The following NXPH1 variants were observed in gnomAD, a reference collection of about 807,000 sequenced individuals.
NXPH1 encodes the protein neurexophilin 1.
A neutral mutation model predicts 23.7 loss-of-function variants in NXPH1; 5 were observed. The ratio of observed to expected loss-of-function variants is 0.21; its 90% CI spans 0.11 to 0.44. NXPH1 has a LOEUF of 0.44. NXPH1 is among the 20% of genes least tolerant of loss of function. NXPH1 has a pLI of 0.99. For missense variants in NXPH1, 324 were observed against 321.6 expected (o/e 1.01, Z -0.06); for synonymous variants, 144 against 122.2 (o/e 1.18, Z -1.18).
Position 8,720,786 on chromosome 7 carries a change from C to G in NXPH1, c.55-30222C>G, listed in dbSNP as rs138514034. The stretch of plus-strand genomic sequence containing the variant: ...AAACATTGCTTCCTATATGCTCAAA[C>G]CAAGGAATTCCGTTTCTCTAATATC... On this transcript the variant is annotated intron_variant, in intron 2 of 2. Coordinates refer to ENST00000405863, the MANE Select transcript of NXPH1 (RefSeq NM_152745.3). 8.7e-4 allele frequency among the ~76,000 whole-genome samples: 132 copies of G among 152,300 alleles called. 1 individual carries two copies. Among genetic ancestry groups the G allele is most frequent in the African/African-American group, 3.1e-3 (128 of 41,554 alleles).
intron 2 of NXPH1, among the ~76,000 whole-genome samples, chr7:8,575,344 C>T (rs908088803): frequency 1.3e-5 from 2 of 152,104 alleles, no homozygotes; most frequent in Non-Finnish European, 2.9e-5. Flanking sequence ...GCTGACAGGT[C>T]ATTAATCCTT....
intron 2 of NXPH1, among the ~76,000 whole-genome samples, chr7:8,658,007 A>G (rs1184198412): frequency 1.3e-5 from 2 of 152,214 alleles, no homozygotes; most frequent in African/African-American, 2.4e-5. Context: ...CAGCCTGGGC[A>G]ACAGAGCAAG....
At chr7:8,516,476 A>C (rs987390466) in intron 2 of NXPH1, among the ~76,000 whole-genome samples, 3 of 152,150 alleles carry the variant, frequency 2.0e-5, no homozygotes, top group Admixed American at 6.5e-5. Flanking sequence ...GCTGATTAGG[A>C]ATTAAATTGT....
chr7:8,612,865 A>G (rs1007766873), intron 2 of NXPH1, among the ~76,000 whole-genome samples: 2 of 152,056 alleles, frequency 1.3e-5, no homozygotes, highest in African/African-American at 2.4e-5. Flanking sequence ...GAAAAAATGC[A>G]GCTTCATTTC....
chr7:8,714,241 G>A (rs1779842806), intron 2 of NXPH1, among the ~76,000 whole-genome samples: 1 of 151,980 alleles, frequency 6.6e-6, no homozygotes, highest in African/African-American at 2.4e-5. Flanking sequence ...GGAGAGTATT[G>A]CCAGGCTACC....
intron 2 of NXPH1, among the ~76,000 whole-genome samples, chr7:8,646,676 C>T (rs1264219656): frequency 6.6e-6 from 1 of 151,874 alleles, no homozygotes; most frequent in Non-Finnish European, 1.5e-5. Context: ...TATGTTTTTC[C>T]TATTCTATCA....
At chr7:8,643,492 G>C (rs74315635) in intron 2 of NXPH1, among the ~76,000 whole-genome samples, 4 of 152,008 alleles carry the variant, frequency 2.6e-5, no homozygotes, top group African/African-American at 9.7e-5. Context: ...TTAGCCTTTA[G>C]AAATGTTCTG....
At chr7:8,712,208 A>G (rs1315118568) in intron 2 of NXPH1, among the ~76,000 whole-genome samples, 6 of 152,202 alleles carry the variant, frequency 3.9e-5, no homozygotes, top group African/African-American at 1.4e-4. Flanking sequence ...ATCAGTGTTG[A>G]ACTCGGTATG....
intron 2 of NXPH1, among the ~76,000 whole-genome samples, chr7:8,743,973 C>G (rs1201067119): frequency 6.6e-6 from 1 of 152,096 alleles, no homozygotes; most frequent in Non-Finnish European, 1.5e-5. Flanking sequence ...CATGAGCCAC[C>G]GCGCCCTGCC....
At chr7:8,571,034 A>G (rs1042238926) in intron 2 of NXPH1, among the ~76,000 whole-genome samples, 2 of 94,346 alleles carry the variant, frequency 2.1e-5, no homozygotes, top group African/African-American at 1.6e-4. Flanking sequence ...ATCTAATCTA[A>G]TCTAATCTAA....
chr7:8,448,877 A>G (rs1212075225), intron 2 of NXPH1, among the ~76,000 whole-genome samples: 1 of 152,014 alleles, frequency 6.6e-6, no homozygotes, highest in African/African-American at 2.4e-5. Flanking sequence ...TTGTTTATGG[A>G]AATGAAGAGA....
intron 2 of NXPH1, among the ~76,000 whole-genome samples, chr7:8,462,800 TTTACTC>T (rs1289692687): frequency 2.0e-5 from 3 of 152,254 alleles, no homozygotes; most frequent in African/African-American, 7.2e-5. Context: ...CATTTATCCT[TTTACTC>T]TTATCACTGT....
At chr7:8,707,510 A>T (rs1158105922) in intron 2 of NXPH1, among the ~76,000 whole-genome samples, 1 of 152,024 alleles carries the variant, frequency 6.6e-6, no homozygotes, top group Non-Finnish European at 1.5e-5. Context: ...GTTGGTTCTC[A>T]GTATGTATTA....
chr7:8,708,033 A>C (rs1779730292), intron 2 of NXPH1, among the ~76,000 whole-genome samples: 1 of 152,178 alleles, frequency 6.6e-6, no homozygotes, highest in African/African-American at 2.4e-5. Context: ...CATATATATG[A>C]ATATGCAAAT....
At chr7:8,727,403 G>T (rs1341231231) in intron 2 of NXPH1, among the ~76,000 whole-genome samples, 2 of 141,112 alleles carry the variant, frequency 1.4e-5, no homozygotes, top group East Asian at 4.2e-4. Flanking sequence ...TAGACATGAA[G>T]TCCTTGCCCA....
At chr7:8,556,753 G>A (rs1463835786) in intron 2 of NXPH1, among the ~76,000 whole-genome samples, 1 of 151,644 alleles carries the variant, frequency 6.6e-6, no homozygotes. Context: ...ACTACACAAA[G>A]TCACATTACA....
At position 8,494,402 on chromosome 7, in the gene NXPH1, G is replaced by A. The variant is rs1254106267; in HGVS notation, c.54+58635G>A. On this transcript the variant is annotated intron_variant, in intron 2 of 2. Transcript: ENST00000405863. ...GTATCTTTTTCTTTTTTACTGCTGC[G>A]GGAATTAGGAGTTAACTTAGTTTTT... is the stretch of plus-strand genomic sequence containing the variant. 4.0e-5 allele frequency among the ~76,000 whole-genome samples: 6 copies of A among 151,716 alleles called. No individual in the cohort carries two copies. In the East Asian group the frequency reaches 9.7e-4, roughly 25 times the overall value.
rs1780571691 is a variant in NXPH1, at chr7:8,751,936, G to T, written c.*167G>T. The T allele has an allele frequency of 3.2e-6, 2 of 628,572 alleles. No homozygotes were observed. Among genetic ancestry groups the T allele is most frequent in the Admixed American group, 3.0e-5 (1 of 33,118 alleles). The allele number at this position is 628,572 out of a possible 1,614,324, so 38.9% of individuals were successfully genotyped here. A position where few individuals can be genotyped will look rare whatever the true frequency, so the allele number is the denominator to read the frequency against. Reference sequence around the variant, plus strand: ...TGGAAAACACTCTGATGTAATTTCTGCCCAGTCAGCTTCATCCCTCAGTAT... The same window carrying T: ...TGGAAAACACTCTGATGTAATTTCTTCCCAGTCAGCTTCATCCCTCAGTAT... On this transcript the variant is annotated 3_prime_UTR_variant, in exon 3 of 3. Transcript: ENST00000405863. The surrounding 1 kb of genome is among the most constrained non-coding windows in gnomAD (Gnocchi z 4.5).
At chr7:8,640,646 T>G (rs1418016466) in intron 2 of NXPH1, among the ~76,000 whole-genome samples, 2 of 152,164 alleles carry the variant, frequency 1.3e-5, no homozygotes, top group African/African-American at 2.4e-5. Context: ...AAATTTAAAA[T>G]TAGCTTATGA....
Sources: allele counts gnomAD v4.1 joint callset (sites outside exome capture counted in the v4.1 genomes callset), GRCh38; gene constraint gnomAD v4.1.1; non-coding constraint Gnocchi (gnomAD v3.1); transcripts MANE v1.5; gene names NCBI Gene and HGNC (gene_info 2026-07-23, HGNC 2026-07-21).